SPATA33: variants seen among roughly 807,000 people sequenced by gnomAD.
SPATA33 encodes spermatogenesis-associated protein 33.
In SPATA33, 10 loss-of-function variants were observed where a neutral mutation model predicts 8.9. The observed-to-expected ratio is 1.12, with a 90% CI of 0.69 to 1.90. SPATA33 has a LOEUF of 1.90. Among genes scored for constraint, SPATA33 ranks in the 40% most tolerant of loss-of-function variants. The pLI, the probability that SPATA33 is intolerant of heterozygous loss-of-function variation, is 0.00. For synonymous variants in SPATA33, 96 were observed against 72.8 expected (o/e 1.32, Z -1.63); for missense variants, 241 against 178.3 (o/e 1.35, Z -2.00).
Position 89,658,421 on chromosome 16 carries a change from G to A in SPATA33, c.211G>A (p.Glu71Lys), listed in dbSNP as rs2059915140. 6.2e-7 allele frequency: 1 copy of A among 1,603,166 alleles called. No homozygotes were observed. The highest frequency in any genetic ancestry group is 1.3e-5 in the African/African-American group (1 of 74,902). ...CCCGCCGCCGGCAGCTTCGCTGGAA[G>A]GTAGGAGACGGCGGGAGGGAGCGAA... ...KHPPPAASLE[E>K]KPDVKQKSSR... is the part of the protein sequence containing the mutation. Residue 71 changes from glutamate to lysine, a missense_variant and splice_region_variant, in exon 2 of 3, where the codon GAG becomes AAG. Coordinates refer to ENST00000579310, the MANE Select transcript of SPATA33 (RefSeq NM_001271907.2).
At chr16:89,658,705 C>T (rs913496261) in intron 2 of SPATA33, 39 of 462,690 alleles carry the variant, frequency 8.4e-5, no homozygotes, top group African/African-American at 7.0e-4. Context: ...CTGAGGTTCT[C>T]CTCGAGGGCT....
chr16:89,664,818 T>G (rs560604064), intron 2 of SPATA33, among the ~76,000 whole-genome samples: 71 of 152,300 alleles, frequency 4.7e-4, no homozygotes, highest in African/African-American at 1.7e-3. Context: ...CTCATGAGAA[T>G]GCAGTGCAGC....
chr16:89,668,887 A>G (rs1391128468), intron 2 of SPATA33, among the ~76,000 whole-genome samples: 4 of 152,220 alleles, frequency 2.6e-5, no homozygotes, highest in Non-Finnish European at 4.4e-5. Flanking sequence ...ATTCTAATGG[A>G]TGAAGTTCTG....
Position 89,669,781 on chromosome 16 carries a change from G to T in SPATA33, c.*284G>T, listed in dbSNP as rs2060076507. 3 of 462,236 alleles carry T rather than the reference G, an allele frequency of 6.5e-6. No homozygotes were observed. The South Asian group carries it at 6.9e-5, about 11-fold the overall frequency. The allele number at this position is 462,236 out of a possible 1,614,324, so 28.6% of individuals were successfully genotyped here. A position where few individuals can be genotyped will look rare whatever the true frequency, so the allele number is the denominator to read the frequency against. ...TGAGAAACTGCAGTCCCCTTCTCCA[G>T]TGCTCTCGGGGAGGGTGCACCAGGC... On this transcript the variant is annotated 3_prime_UTR_variant, in exon 3 of 3. Transcript: ENST00000579310.
At chr16:89,663,190 C>G (rs2059985476) in intron 2 of SPATA33, among the ~76,000 whole-genome samples, 1 of 150,830 alleles carries the variant, frequency 6.6e-6, no homozygotes, top group Non-Finnish European at 1.5e-5. Context: ...AAATACCATG[C>G]TGAGTGAAAA....
intron 2 of SPATA33, among the ~76,000 whole-genome samples, chr16:89,665,423 G>C (rs977975674): frequency 4.6e-5 from 7 of 151,636 alleles, no homozygotes; most frequent in Admixed American, 1.3e-4. Flanking sequence ...TCCTGTCTCA[G>C]CCTCCCGCAT....
At chr16:89,658,191 A>G (rs1597798152) in intron 1 of SPATA33, 57 bp from the exon 2 acceptor site, 1 of 1,605,482 alleles carries the variant, frequency 6.2e-7, no homozygotes, top group South Asian at 1.1e-5. Flanking sequence ...AGACGATGGG[A>G]CCCACTGCCC....
At chr16:89,664,161 G>A (rs185093195) in intron 2 of SPATA33, among the ~76,000 whole-genome samples, 1 of 152,148 alleles carries the variant, frequency 6.6e-6, no homozygotes, top group Non-Finnish European at 1.5e-5. Context: ...TGAAGAATTT[G>A]ACTGCGTTAA....
chr16:89,657,976 C>A, intron 1 of SPATA33, 28 bp downstream of exon 1: 1 of 1,505,588 alleles, frequency 6.6e-7, no homozygotes. Context: ...GCTGGGCTCC[C>A]CGCGTCTCCG....
intron 2 of SPATA33, among the ~76,000 whole-genome samples, chr16:89,663,118 T>C (rs1441450774): frequency 2.0e-5 from 3 of 151,754 alleles, no homozygotes; most frequent in Non-Finnish European, 4.4e-5. Flanking sequence ...AGGTAGAGTA[T>C]ACTTAATTGC....
chr16:89,664,295 G>A (rs1000034231), intron 2 of SPATA33, among the ~76,000 whole-genome samples: 9 of 152,200 alleles, frequency 5.9e-5, no homozygotes, highest in African/African-American at 1.7e-4. Flanking sequence ...GCTCGGACAC[G>A]TTGCTGTGGA....
chr16:89,660,376 A>T, intron 2 of SPATA33: 1 of 902,358 alleles, frequency 1.1e-6, no homozygotes, highest in Non-Finnish European at 1.5e-6. Flanking sequence ...GACCTCTGCC[A>T]GTAACGGAAG....
At position 89,669,409 on chromosome 16, in the gene SPATA33, C is replaced by A; in HGVS notation, c.335C>A (p.Thr112Asn). 6.2e-7 allele frequency: 1 copy of A among 1,614,172 alleles called. No individual in the cohort carries two copies. The highest frequency in any genetic ancestry group is 8.5e-7 in the Non-Finnish European group (1 of 1,180,038). The change falls in exon 3 of 3, where the codon ACC becomes AAC. Residue 112 changes from threonine (T) to asparagine (N), a missense_variant. Thr to Asn is a moderately conservative substitution (Grantham distance 65). Coordinates refer to ENST00000579310, the MANE Select transcript of SPATA33 (RefSeq NM_001271907.2). ...CSSSGSDQQRTIREPEDWGPY... is the reference protein window; with the variant it reads ...CSSSGSDQQRNIREPEDWGPY... ...TCCAGCGGGAGTGACCAGCAGAGAA[C>A]CATTCGGGAGCCGGAGGACTGGGGC...
chr16:89,657,873 G>A lies in SPATA33; in HGVS notation c.-39G>A. 2.0e-6 allele frequency: 3 copies of A among 1,515,596 alleles called. No homozygotes were observed. The highest frequency in any genetic ancestry group is 1.2e-5 in the South Asian group (1 of 81,950). 93.9% of individuals were successfully genotyped at this position (1,515,596 alleles called of 1,614,324 possible). The stretch of plus-strand genomic sequence containing the variant: ...CGGCTCCGCGGCCGCGGAGGTGTGG[G>A]GACCCGGGCTTGCGTCGGAGGGGGC... On this transcript the variant is annotated 5_prime_UTR_variant, in exon 1 of 3. Coordinates refer to ENST00000579310, the MANE Select transcript of SPATA33 (RefSeq NM_001271907.2).
intron 2 of SPATA33, among the ~76,000 whole-genome samples, chr16:89,664,519 C>T (rs1597805591): frequency 6.6e-6 from 1 of 152,102 alleles, no homozygotes; most frequent in African/African-American, 2.4e-5. Flanking sequence ...TGGGCCCGAC[C>T]TGATCAGGGA....
intron 1 of SPATA33, 93 bp from the exon 2 acceptor site, chr16:89,658,155 T>C (rs891907733): frequency 6.4e-7 from 1 of 1,570,288 alleles, no homozygotes; most frequent in East Asian, 2.2e-5. Context: ...GAAGCCAGCT[T>C]ATTCTGGACC....
intron 2 of SPATA33, among the ~76,000 whole-genome samples, chr16:89,666,085 A>G (rs571423730): frequency 6.6e-6 from 1 of 152,160 alleles, no homozygotes; most frequent in Non-Finnish European, 1.5e-5. Context: ...CCATCTCAAA[A>G]TAAATAAATG....
chr16:89,660,841 C>A, intron 2 of SPATA33: 2 of 1,151,314 alleles, frequency 1.7e-6, no homozygotes, highest in Non-Finnish European at 2.1e-6. Flanking sequence ...GTCCCTAAGC[C>A]CTTCCAGCCC....
chr16:89,669,616 C>T lies in SPATA33; in HGVS notation c.*119C>T. 1 of 967,526 alleles carries T rather than the reference C, an allele frequency of 1.0e-6. No individual in the cohort carries two copies. The highest frequency in any genetic ancestry group is 2.6e-5 in the Admixed American group (1 of 38,922). 59.9% of individuals were successfully genotyped at this position (967,526 alleles called of 1,614,324 possible). A position where few individuals can be genotyped will look rare whatever the true frequency, so the allele number is the denominator to read the frequency against. ...TGCTCTCGGGGAGGTTGCACCAGGC[C>T]CACCCCACCCTGTGAGAAACTGCAG... On this transcript the variant is annotated 3_prime_UTR_variant, in exon 3 of 3. Coordinates refer to ENST00000579310, the MANE Select transcript of SPATA33 (RefSeq NM_001271907.2).
Sources: allele counts gnomAD v4.1 joint callset (sites outside exome capture counted in the v4.1 genomes callset), GRCh38; gene constraint gnomAD v4.1.1; transcripts MANE v1.5; gene names NCBI Gene and HGNC (gene_info 2026-07-23, HGNC 2026-07-21).